Variants in AFAP1 observed in about 807,000 individuals in gnomAD.
The protein encoded by AFAP1 is actin filament associated protein 1, also known as actin filament-associated protein 1.
In AFAP1, 75 loss-of-function variants were observed where a neutral mutation model predicts 93.9. The observed-to-expected ratio is 0.80, with a 90% confidence interval of 0.66 to 0.97. AFAP1 has a LOEUF of 0.97. AFAP1 is among the 50% of genes least tolerant of loss of function. AFAP1 has a pLI of 0.00. For missense variants in AFAP1, 1,201 were observed against 1,050.8 expected (o/e 1.14, Z -1.98); for synonymous variants, 517 against 430.7 (o/e 1.20, Z -2.48).
At chr4:7,925,033 C>T (rs1720652414) in intron 1 of AFAP1, among the ~76,000 whole-genome samples, 2 of 152,168 alleles carry the variant, frequency 1.3e-5, no homozygotes, top group South Asian at 2.1e-4. Flanking sequence ...GAAGCTTCCC[C>T]ACTCCTCATC....
At chr4:7,924,323 G>C (rs1034138789) in intron 1 of AFAP1, among the ~76,000 whole-genome samples, 5 of 152,186 alleles carry the variant, frequency 3.3e-5, no homozygotes, top group African/African-American at 1.2e-4. Context: ...CTACACTGAT[G>C]AAGTGGAAAA....
At chr4:7,866,433 C>T (rs1228547379) in intron 3 of AFAP1, among the ~76,000 whole-genome samples, 2 of 151,660 alleles carry the variant, frequency 1.3e-5, no homozygotes, top group Non-Finnish European at 2.9e-5. Flanking sequence ...TGAGCTCAGG[C>T]GATCCACCCG....
At chr4:7,919,665 C>T (rs1720326038) in intron 1 of AFAP1, among the ~76,000 whole-genome samples, 2 of 151,880 alleles carry the variant, frequency 1.3e-5, no homozygotes, top group South Asian at 2.1e-4. Flanking sequence ...CTGGGGTACA[C>T]GTGCAGGATG....
chr4:7,822,580 T>C (rs1052581136), intron 6 of AFAP1, among the ~76,000 whole-genome samples: 1 of 95,400 alleles, frequency 1.0e-5, no homozygotes, highest in Non-Finnish European at 2.2e-5. Flanking sequence ...TTTCTTTTTC[T>C]TTTTTCTTTT....
intron 5 of AFAP1, among the ~76,000 whole-genome samples, chr4:7,841,567 G>C (rs1009112824): frequency 1.3e-5 from 2 of 152,188 alleles, no homozygotes; most frequent in African/African-American, 4.8e-5. Context: ...TTTAGGGGAA[G>C]AACATGGCTT....
chr4:7,863,840 G>C (rs1233872301), intron 3 of AFAP1, among the ~76,000 whole-genome samples: 1 of 152,196 alleles, frequency 6.6e-6, no homozygotes, highest in Non-Finnish European at 1.5e-5. Flanking sequence ...TGCCACAAAA[G>C]AGGTAAAAAT....
chr4:7,843,019 GGCT>G lies in AFAP1; in HGVS notation c.546+117_546+119del, dbSNP rs537119058. ...GTACTGCGGCTAGCTCAGGGCACCT[GGCT>G]GACACCTGAGTGCTGCCCTTCCTGC... On this transcript the variant is annotated intron_variant, in intron 5 of 17. Coordinates refer to ENST00000420658, the MANE Select transcript of AFAP1 (RefSeq NM_001134647.2). The G allele has an allele frequency of 6.5e-5, 75 of 1,147,206 alleles. No individual in the cohort carries two copies. The African/African-American group carries it at 8.5e-4, about 13-fold the overall frequency. 71.1% of individuals were successfully genotyped at this position (1,147,206 alleles called of 1,614,324 possible). A position where few individuals can be genotyped will look rare whatever the true frequency, so the allele number is the denominator to read the frequency against.
intron 9 of AFAP1, among the ~76,000 whole-genome samples, chr4:7,805,826 C>T (rs1483930777): frequency 3.3e-5 from 5 of 152,152 alleles, no homozygotes; most frequent in Non-Finnish European, 5.9e-5. Flanking sequence ...GTGTTAGAGG[C>T]CCTGAACTGG....
In AFAP1 at chr4:7,772,966, C is replaced by T; in HGVS notation, c.2107G>A (p.Glu703Lys). ...GCCTCCTTCTGCCGGCACTCCTCCTCCAGCTGCTTCAGCTTCTCCTCCAGG... is the reference window on the plus strand; with the variant it reads ...GCCTCCTTCTGCCGGCACTCCTCCTTCAGCTGCTTCAGCTTCTCCTCCAGG... ...AILEEKLKQL[E>K]EECRQKEAER... The change falls in exon 16 of 18, where the codon GAG becomes AAG. Residue 703 changes from glutamate (E) to lysine (K), a missense_variant. Transcript: ENST00000420658. 1 of 1,613,012 alleles carries T rather than the reference C, an allele frequency of 6.2e-7. No homozygotes were observed. The highest frequency in any genetic ancestry group is 8.5e-7 in the Non-Finnish European group (1 of 1,180,008).
In AFAP1 at chr4:7,842,233, TATA is replaced by T. The variant is rs530966644; in HGVS notation, c.546+903_546+905del. Among the ~76,000 whole-genome samples the T allele has an allele frequency of 2.4e-5, 3 of 124,056 alleles. No homozygotes were observed. In the East Asian group the frequency reaches 6.7e-4, roughly 28 times the overall value. The allele number at this position is 124,056 out of a possible 152,430, so 81.4% of individuals were successfully genotyped here. ...AACTGAACAAAAACATTAAAAAATATATAATATCCTAGGAACTTAGTAAAACAA... is the reference window on the plus strand; with the variant it reads ...AACTGAACAAAAACATTAAAAAATATATATCCTAGGAACTTAGTAAAACAA... On this transcript the variant is annotated intron_variant, in intron 5 of 17. Transcript: ENST00000420658.
At chr4:7,853,457 C>G (rs924699077) in intron 4 of AFAP1, among the ~76,000 whole-genome samples, 6 of 152,178 alleles carry the variant, frequency 3.9e-5, no homozygotes, top group African/African-American at 1.4e-4. Context: ...TGGGCTGTTG[C>G]TGGTCACCTG....
At chr4:7,770,052 C>T (rs939893113) in intron 16 of AFAP1, among the ~76,000 whole-genome samples, 25 of 152,352 alleles carry the variant, frequency 1.6e-4, no homozygotes, top group African/African-American at 5.5e-4. Flanking sequence ...CTCCCGAGGA[C>T]GGCCTGGGCT....
chr4:7,815,878 T>TC (rs1212775077), intron 8 of AFAP1, 140 bp downstream of exon 8: 1 of 669,530 alleles, frequency 1.5e-6, no homozygotes, highest in Admixed American at 3.2e-5. Flanking sequence ...ATCAGTATCC[T>TC]CTGCCATGAT....
chr4:7,765,016 G>C (rs2017177), intron 17 of AFAP1, among the ~76,000 whole-genome samples: 14,544 of 152,222 alleles, frequency 0.096, 1,070 homozygotes, highest in East Asian at 0.41. Context: ...TGAGGCGAGA[G>C]GATTGCTTGA....
intron 14 of AFAP1, 149 bp downstream of exon 14, chr4:7,778,613 T>C (rs922980889): frequency 1.7e-5 from 13 of 776,118 alleles, no homozygotes; most frequent in South Asian, 2.9e-5. Context: ...TGTCCTTCTA[T>C]GTGGCTGATG....
chr4:7,793,468 C>T (rs1026706542), intron 11 of AFAP1, among the ~76,000 whole-genome samples: 63 of 152,240 alleles, frequency 4.1e-4, no homozygotes, highest in Non-Finnish European at 8.1e-4. Flanking sequence ...CTAAGTCCTT[C>T]ATGCAAGTTT....
chr4:7,930,759 A>C (rs1721020958), intron 1 of AFAP1, among the ~76,000 whole-genome samples: 1 of 152,176 alleles, frequency 6.6e-6, no homozygotes, highest in African/African-American at 2.4e-5. Flanking sequence ...CTATCACAAT[A>C]ATTTTTTTTG....
At chr4:7,833,185 G>T (rs1055665562) in intron 6 of AFAP1, among the ~76,000 whole-genome samples, 2 of 152,094 alleles carry the variant, frequency 1.3e-5, no homozygotes, top group Non-Finnish European at 2.9e-5. Flanking sequence ...CTTTTTCATG[G>T]CAAAACCAGT....
chr4:7,782,784 T>G (rs1434917688), intron 12 of AFAP1, among the ~76,000 whole-genome samples: 3 of 152,228 alleles, frequency 2.0e-5, no homozygotes, highest in Non-Finnish European at 4.4e-5. Flanking sequence ...AGACTTAAAA[T>G]TCTGCAGTAG....
Sources: gnomAD v4.1 joint callset for allele counts (sites outside exome capture counted in the v4.1 genomes callset) on GRCh38, gnomAD v4.1.1 for gene constraint, MANE v1.5 for transcripts, NCBI Gene and HGNC (gene_info 2026-07-23, HGNC 2026-07-21) for gene names.